METTL14: variants seen among roughly 807,000 people sequenced by gnomAD.
The protein encoded by METTL14 is N(6)-adenosine-methyltransferase non-catalytic subunit METTL14.
Under a neutral mutation model 62.4 loss-of-function variants are expected in METTL14, and 32 were observed. That is an observed-to-expected ratio of 0.51 (90% CI 0.39 to 0.69). METTL14 has a LOEUF of 0.69. Ranked by LOEUF, METTL14 falls within the 30% of genes least tolerant of loss-of-function variation. METTL14 has a pLI of 0.00. For missense variants in METTL14, 340 were observed against 551.9 expected, an observed-to-expected ratio of 0.62 and a Z score of 3.85; for synonymous variants, 150 against 180.0, an observed-to-expected ratio of 0.83 and a Z score of 1.34.
chr4:118,694,511 C>T lies in METTL14; in HGVS notation c.488C>T (p.Ser163Phe), dbSNP rs752613577. ...CTAAAGGATGAGTTAATAGCTAAAT[C>T]TAACACTCCTCCCATGTAAGTGTTT... ...IRLKDELIAK[S>F]NTPPMYLQAD... The change falls in exon 6 of 11, where the codon TCT becomes TTT. Residue 163 changes from serine to phenylalanine, a missense_variant. Transcript: ENST00000388822. 2 of 1,611,126 alleles carry T rather than the reference C, an allele frequency of 1.2e-6. No homozygotes were observed. Among genetic ancestry groups the T allele is most frequent in the Admixed American group, 3.3e-5 (2 of 59,870 alleles).
At position 118,705,752 on chromosome 4, in the gene METTL14, A is replaced by G. The variant is rs775436270; in HGVS notation, c.997A>G (p.Ile333Val). The change falls in exon 10 of 11, where the codon ATA becomes GTA. Residue 333 changes from isoleucine to valine, a missense_variant. By Grantham distance (29) the Ile-to-Val change is conservative. Transcript: ENST00000388822. ...AGAAAAACCTGTAGAAATTTTTCAT[A>G]TAATTGAGCATTTTTGTCTTGGTAG... ...NIEKPVEIFHIIEHFCLGRRR... is the reference protein window; with the variant it reads ...NIEKPVEIFHVIEHFCLGRRR... 20 of 1,614,160 alleles carry G rather than the reference A, an allele frequency of 1.2e-5. No homozygotes were observed. Among genetic ancestry groups the G allele is most frequent in the Non-Finnish European group, 5.9e-6 (7 of 1,180,006 alleles).
chr4:118,702,817 T>A (rs532721363), intron 8 of METTL14, among the ~76,000 whole-genome samples: 3 of 150,720 alleles, frequency 2.0e-5, no homozygotes, highest in African/African-American at 7.3e-5. Context: ...GGTGTTATCT[T>A]ACATTACCCA....
intron 3 of METTL14, 61 bp from the exon 4 acceptor site, chr4:118,691,471 G>C (rs1443278917): frequency 1.2e-6 from 1 of 845,256 alleles, no homozygotes; most frequent in Non-Finnish European, 1.9e-6. Context: ...GTTTTAATCA[G>C]GATGTGATAG....
rs147694285 is a variant in METTL14 at position 118,707,081 on chromosome 4, T to C, written c.1066+1260T>C. Among the ~76,000 whole-genome samples, 809 of 152,332 alleles carry C rather than the reference T, an allele frequency of 5.3e-3. 9 individuals are homozygous for C. Among genetic ancestry groups the C allele is most frequent in the African/African-American group, 0.018 (751 of 41,574 alleles). ...ATTTTTATTTAATTACTTTCTGCTTTTTTATTTTCTTTCTAGTTTCTTTGG... is the reference window on the plus strand; with the variant it reads ...ATTTTTATTTAATTACTTTCTGCTTCTTTATTTTCTTTCTAGTTTCTTTGG... On this transcript the variant is annotated intron_variant, in intron 10 of 10. Coordinates refer to ENST00000388822, the MANE Select transcript of METTL14 (RefSeq NM_020961.4).
In METTL14 at chr4:118,703,928, T is replaced by G; in HGVS notation, c.739-7T>G. On this transcript the variant is annotated splice_region_variant and splice_polypyrimidine_tract_variant and intron_variant, in intron 8 of 10. Coordinates refer to ENST00000388822, the MANE Select transcript of METTL14 (RefSeq NM_020961.4). The stretch of plus-strand genomic sequence containing the variant: ...AGGATTTGTGTTTAAAATTCTTTTG[T>G]TTCTAGTGTTTACGAAAATGGGGTT... The G allele has an allele frequency of 6.8e-7, 1 of 1,464,218 alleles. No individual in the cohort carries two copies. Among genetic ancestry groups the G allele is most frequent in the Non-Finnish European group, 9.3e-7 (1 of 1,075,240 alleles). 90.7% of individuals were successfully genotyped at this position (1,464,218 alleles called of 1,614,324 possible). A position where few individuals can be genotyped will look rare whatever the true frequency, so the allele number is the denominator to read the frequency against.
chr4:118,687,842 A>T, intron 1 of METTL14, 81 bp from the exon 2 acceptor site: 1 of 1,047,394 alleles, frequency 9.5e-7, no homozygotes, highest in Non-Finnish European at 1.4e-6. Context: ...TTAAGTATTT[A>T]ATGTATTAAA....
In METTL14 at chr4:118,688,027, CTT is replaced by C. The variant is rs746420947; in HGVS notation, c.155+32_155+33del. On this transcript the variant is annotated intron_variant, in intron 2 of 10. Transcript: ENST00000388822. ...AAACTTGCAGGTCAGTCAGATAATT[CTT>C]TTTTTTTTTTTTTTTGAGACAGGGT... 42,086 of 1,221,246 alleles carry C rather than the reference CTT, an allele frequency of 0.034. No homozygotes were observed. The highest frequency in any genetic ancestry group is 0.038 in the Middle Eastern group (172 of 4,558). The allele number at this position is 1,221,246 out of a possible 1,614,324, so 75.7% of individuals were successfully genotyped here. A position where few individuals can be genotyped will look rare whatever the true frequency, so the allele number is the denominator to read the frequency against.
rs1284660402 is a variant in METTL14, at chr4:118,704,067, AT to A, written c.855+19del. ...GAGAACAAAGGTATTGCCTTTACTG[AT>A]TTGTTTTTTTTAATTTTTGTGATTT... is the stretch of plus-strand genomic sequence containing the variant. On this transcript the variant is annotated intron_variant, in intron 9 of 10. Coordinates refer to ENST00000388822, the MANE Select transcript of METTL14 (RefSeq NM_020961.4). 6.8e-7 allele frequency: 1 copy of A among 1,462,438 alleles called. No homozygotes were observed. Among genetic ancestry groups the A allele is most frequent in the African/African-American group, 1.4e-5 (1 of 69,828 alleles). The allele number at this position is 1,462,438 out of a possible 1,614,324, so 90.6% of individuals were successfully genotyped here.
Position 118,688,024 on chromosome 4 carries a change from ATTC to A in METTL14, c.155+16_155+18del. Reference sequence around the variant, plus strand: ...GAGAAACTTGCAGGTCAGTCAGATAATTCTTTTTTTTTTTTTTTTTGAGACAGG... The same window carrying A: ...GAGAAACTTGCAGGTCAGTCAGATAATTTTTTTTTTTTTTTTTGAGACAGG... On this transcript the variant is annotated intron_variant, in intron 2 of 10. Coordinates refer to ENST00000388822, the MANE Select transcript of METTL14 (RefSeq NM_020961.4). 1.3e-6 allele frequency: 2 copies of A among 1,497,504 alleles called. No homozygotes were observed. Among genetic ancestry groups the A allele is most frequent in the Non-Finnish European group, 1.8e-6 (2 of 1,090,270 alleles). 92.8% of individuals were successfully genotyped at this position (1,497,504 alleles called of 1,614,324 possible). A position where few individuals can be genotyped will look rare whatever the true frequency, so the allele number is the denominator to read the frequency against.
intron 8 of METTL14, 22 bp downstream of exon 8, chr4:118,700,664 G>A: frequency 6.5e-7 from 1 of 1,541,832 alleles, no homozygotes; most frequent in Non-Finnish European, 8.8e-7. Flanking sequence ...CTTTTATAAA[G>A]TGGATTTTTA....
intron 1 of METTL14, among the ~76,000 whole-genome samples, chr4:118,687,291 C>T (rs139753088): frequency 1.3e-5 from 2 of 152,218 alleles, no homozygotes; most frequent in African/African-American, 4.8e-5. Context: ...CTTCAGTGAC[C>T]ATTTCCTTTG....
At chr4:118,696,979 G>GT (rs1312870200) in intron 6 of METTL14, among the ~76,000 whole-genome samples, 4 of 151,986 alleles carry the variant, frequency 2.6e-5, no homozygotes, top group Non-Finnish European at 5.9e-5. Context: ...CTGGTAGATC[G>GT]TTTAAGTCTA....
chr4:118,705,710 C>A lies in METTL14; in HGVS notation c.955C>A (p.Pro319Thr), dbSNP rs770396691. The change falls in exon 10 of 11, where the codon CCT becomes ACT. Residue 319 changes from proline (P) to threonine (T), a missense_variant. Physicochemically the swap from Pro to Thr is conservative, Grantham distance 38. This residue lies in a region of METTL14 where 62 missense variants were observed against 82.3 expected (regional missense o/e 0.75). Coordinates refer to ENST00000388822, the MANE Select transcript of METTL14 (RefSeq NM_020961.4). ...VDIDLIITEE[P>T]EIGNIEKPVE... ...CATTGACTTAATTATCACAGAAGAA[C>A]CTGAAATTGGCAATATAGAAAAACC... The A allele has an allele frequency of 6.2e-7, 1 of 1,613,932 alleles. No individual in the cohort carries two copies. The highest frequency in any genetic ancestry group is 2.2e-5 in the East Asian group (1 of 44,882).
In METTL14 at chr4:118,687,946, C is replaced by T; in HGVS notation, c.90C>T (p.Ser30=). ...AQQLGAESAD[S]IGAVLNSKDE... ...AGTTGGGAGCTGAAAGTGCCGACAG[C>T]ATTGGTGCCGTGTTAAATAGCAAAG... The change falls in exon 2 of 11, where the codon AGC becomes AGT. Residue 30 remains serine, a synonymous_variant. Transcript: ENST00000388822. The T allele has an allele frequency of 6.2e-7, 1 of 1,613,586 alleles. No individual in the cohort carries two copies. Among genetic ancestry groups the T allele is most frequent in the Non-Finnish European group, 8.5e-7 (1 of 1,179,948 alleles).
At chr4:118,696,540 TCAAACAAA>T (rs762260105) in intron 6 of METTL14, among the ~76,000 whole-genome samples, 61 of 152,136 alleles carry the variant, frequency 4.0e-4, no homozygotes, top group African/African-American at 1.0e-3. Context: ...AGACCTTGTC[TCAAACAAA>T]CAAACAAACA....
rs774873634 is a variant in METTL14 at position 118,685,558 on chromosome 4, C to G, written c.24C>G (p.Ile8Met). The G allele has an allele frequency of 6.2e-7, 1 of 1,614,176 alleles. No homozygotes were observed. The highest frequency in any genetic ancestry group is 1.3e-5 in the African/African-American group (1 of 75,048). MDSRLQEIRERQKLRRQL... is the reference protein window; with the variant it reads MDSRLQEMRERQKLRRQL... ...ACATGGATAGCCGCTTGCAGGAGAT[C>G]CGGGAGCGGCAGAAGTTACGGCGAC... Residue 8 changes from isoleucine (I) to methionine (M), a missense_variant, in exon 1 of 11, where the codon ATC becomes ATG. Physicochemically the swap from Ile to Met is conservative, Grantham distance 10. Coordinates refer to ENST00000388822, the MANE Select transcript of METTL14 (RefSeq NM_020961.4).
chr4:118,704,140 G>A, intron 9 of METTL14, 89 bp downstream of exon 9: 1 of 729,704 alleles, frequency 1.4e-6, no homozygotes, highest in African/African-American at 1.8e-5. Context: ...ATTAACTTCA[G>A]TGAAAAGGTC....
chr4:118,694,677 T>C, intron 6 of METTL14, 151 bp downstream of exon 6: 1 of 642,190 alleles, frequency 1.6e-6, no homozygotes, highest in Non-Finnish European at 2.7e-6. Context: ...TTTTGTTTTT[T>C]AAAGGCTGGT....
rs1243637843 is a variant in METTL14 at position 118,710,995 on chromosome 4, A to C, written c.*693A>C. Reference sequence around the variant, plus strand: ...CTCCTAATCACGCTTCCTAAGAAGCAAAGGAGGACAAATATTCATGTGCTA... The same window carrying C: ...CTCCTAATCACGCTTCCTAAGAAGCCAAGGAGGACAAATATTCATGTGCTA... On this transcript the variant is annotated 3_prime_UTR_variant, in exon 11 of 11. Transcript: ENST00000388822. The C allele has an allele frequency of 6.6e-6, 1 of 152,160 alleles. No individual in the cohort carries two copies. The highest frequency in any genetic ancestry group is 1.5e-5 in the Non-Finnish European group (1 of 68,038). 9.4% of individuals were successfully genotyped at this position (152,160 alleles called of 1,614,324 possible).
Sources: gnomAD v4.1 joint callset for allele counts (sites outside exome capture counted in the v4.1 genomes callset) on GRCh38, gnomAD v4.1.1 for gene constraint, gnomAD v4.1.1 regional missense constraint, MANE v1.5 for transcripts, NCBI Gene and HGNC (gene_info 2026-07-23, HGNC 2026-07-21) for gene names.